The following KALRN variants were observed in gnomAD, a reference collection of about 807,000 sequenced individuals.
KALRN encodes the protein kalirin RhoGEF kinase.
A neutral mutation model predicts 353.7 loss-of-function variants in KALRN; 70 were observed. That is an observed-to-expected ratio of 0.20 (90% CI 0.16 to 0.24). The LOEUF is 0.24. Ranked by LOEUF, KALRN falls within the 10% of genes least tolerant of loss-of-function variation. KALRN has a pLI of 1.00. For missense variants in KALRN, 2,791 were observed against 3,756.7 expected (o/e 0.74, Z 6.72); for synonymous variants, 1,391 against 1,434.8 (o/e 0.97, Z 0.69).
At chr3:124,128,004 C>T (rs2064877516) in intron 1 of KALRN, among the ~76,000 whole-genome samples, 2 of 151,964 alleles carry the variant, frequency 1.3e-5, no homozygotes, top group Admixed American at 1.3e-4. Context: ...TATTTTGTGT[C>T]CCTTAAGAAT....
chr3:124,549,320 AAC>A (rs10542227), intron 33 of KALRN, among the ~76,000 whole-genome samples: 44,617 of 145,672 alleles, frequency 0.31, 7,056 homozygotes, highest in East Asian at 0.5. Context: ...CCAAGAAGCC[AAC>A]ACACACACAC....
chr3:124,446,792 A>C lies in KALRN; in HGVS notation c.3459A>C (p.Glu1153Asp). Residue 1153 changes from glutamate (E) to aspartate (D), a missense_variant, in exon 21 of 60, where the codon GAA becomes GAC. By Grantham distance (45) the Glu-to-Asp change is conservative. Transcript: ENST00000682506. ...QALDWIQETG[E>D]FYLSTHTSTG... is the part of the protein sequence containing the mutation. ...TTGACTGGATCCAAGAAACAGGTGA[A>C]TTTTACCTCTCAACACATACCTCCA... 5 of 1,614,072 alleles carry C rather than the reference A, an allele frequency of 3.1e-6. No individual in the cohort carries two copies. Among genetic ancestry groups the C allele is most frequent in the Non-Finnish European group, 4.2e-6 (5 of 1,179,998 alleles).
intron 9 of KALRN, among the ~76,000 whole-genome samples, chr3:124,337,125 T>A (rs1277122419): frequency 1.3e-5 from 2 of 152,234 alleles, no homozygotes; most frequent in Admixed American, 1.3e-4. Flanking sequence ...TGACTTCCTC[T>A]GTTCCTATTT....
chr3:124,460,401 T>G (rs1425108362), intron 23 of KALRN, among the ~76,000 whole-genome samples: 1 of 152,108 alleles, frequency 6.6e-6, no homozygotes, highest in Non-Finnish European at 1.5e-5. Flanking sequence ...AGAGGTAAAT[T>G]GTGAGGAAAG....
chr3:124,371,582 T>C (rs534069707), intron 10 of KALRN, among the ~76,000 whole-genome samples: 199 of 152,278 alleles, frequency 1.3e-3, no homozygotes, highest in African/African-American at 4.5e-3. Flanking sequence ...CTTACAAAAA[T>C]AAGGAAACAT....
chr3:124,714,799 T>C (rs1239313742), intron 58 of KALRN, among the ~76,000 whole-genome samples: 1 of 152,130 alleles, frequency 6.6e-6, no homozygotes, highest in Non-Finnish European at 1.5e-5. Flanking sequence ...GCGGATCACT[T>C]GAGGTCAGGA....
chr3:124,638,759 G>T (rs797018020), intron 37 of KALRN, among the ~76,000 whole-genome samples: 3 of 77,330 alleles, frequency 3.9e-5, no homozygotes, highest in South Asian at 6.4e-4. Context: ...GTCTCCAATG[G>T]GGGGGTGCCC....
chr3:124,096,683 A>G (rs1057213865), intron 1 of KALRN: 1 of 152,228 alleles, frequency 6.6e-6, no homozygotes, highest in East Asian at 1.9e-4. Context: ...AAGGGTAAGG[A>G]CTTAAAACAT....
chr3:124,152,162 A>G, intron 1 of KALRN: 3 of 1,470,104 alleles, frequency 2.0e-6, no homozygotes, highest in Non-Finnish European at 2.8e-6. Flanking sequence ...GATGCAAGAG[A>G]TCGAACAATC....
chr3:124,578,471 A>T (rs568832939), intron 34 of KALRN, among the ~76,000 whole-genome samples: 2 of 152,244 alleles, frequency 1.3e-5, no homozygotes, highest in East Asian at 3.8e-4. Flanking sequence ...AGAGTTTGAG[A>T]AAGTAAAACC....
intron 1 of KALRN, among the ~76,000 whole-genome samples, chr3:124,178,051 C>T (rs930793700): frequency 1.3e-5 from 2 of 152,178 alleles, no homozygotes; most frequent in Non-Finnish European, 2.9e-5. Flanking sequence ...AGCAGTGGCA[C>T]CCAAATGCCT....
At chr3:124,151,794 T>C (rs749213649) in intron 1 of KALRN, among the ~76,000 whole-genome samples, 3 of 152,256 alleles carry the variant, frequency 2.0e-5, no homozygotes, top group Non-Finnish European at 4.4e-5. Flanking sequence ...TATTTCCTAC[T>C]GAAAGCTTTA....
chr3:124,321,644 A>G (rs778448713), intron 6 of KALRN, among the ~76,000 whole-genome samples: 1 of 152,216 alleles, frequency 6.6e-6, no homozygotes, highest in Non-Finnish European at 1.5e-5. Flanking sequence ...ATCTCCAGTT[A>G]AGGACTGCAG....
At chr3:124,168,835 G>A (rs191574747) in intron 1 of KALRN, among the ~76,000 whole-genome samples, 69 of 152,304 alleles carry the variant, frequency 4.5e-4, no homozygotes, top group African/African-American at 1.5e-3. Flanking sequence ...TGATTTGGAA[G>A]GCATCTCCAT....
At chr3:124,691,460 G>A (rs1484101362) in intron 51 of KALRN, among the ~76,000 whole-genome samples, 5 of 152,028 alleles carry the variant, frequency 3.3e-5, no homozygotes, top group African/African-American at 4.8e-5. Context: ...TAAAGAAAGC[G>A]AAACATGCTG....
At chr3:124,554,117 A>G (rs2070905370) in intron 33 of KALRN, among the ~76,000 whole-genome samples, 1 of 152,242 alleles carries the variant, frequency 6.6e-6, no homozygotes, top group Admixed American at 6.5e-5. Context: ...GCACTTTGGG[A>G]GGCCAGGGTG....
intron 1 of KALRN, among the ~76,000 whole-genome samples, chr3:124,171,682 G>T (rs1433635691): frequency 6.6e-6 from 1 of 152,158 alleles, no homozygotes; most frequent in Non-Finnish European, 1.5e-5. Context: ...ACTTGATTTG[G>T]CTATCTTATA....
chr3:124,226,502 G>A (rs1317886941), intron 1 of KALRN, among the ~76,000 whole-genome samples: 1 of 152,178 alleles, frequency 6.6e-6, no homozygotes, highest in Non-Finnish European at 1.5e-5. Flanking sequence ...AAAAAGACTT[G>A]CAGTCTTCAT....
At chr3:124,315,699 C>G (rs192721692) in intron 6 of KALRN, among the ~76,000 whole-genome samples, 28 of 152,132 alleles carry the variant, frequency 1.8e-4, no homozygotes, top group African/African-American at 6.3e-4. Flanking sequence ...ATGGCCACTA[C>G]TTGTTCTCCG....
Sources: allele counts gnomAD v4.1 joint callset (sites outside exome capture counted in the v4.1 genomes callset), GRCh38; gene constraint gnomAD v4.1.1; transcripts MANE v1.5; gene names NCBI Gene and HGNC (gene_info 2026-07-23, HGNC 2026-07-21).